Variants in CYTH3 observed in about 807,000 individuals in gnomAD.
The protein encoded by CYTH3 is cytohesin 3, also known as cytohesin-3.
Under a neutral mutation model 55.1 loss-of-function variants are expected in CYTH3, and 23 were observed. That is an observed-to-expected ratio of 0.42 (90% CI 0.30 to 0.59). The LOEUF is 0.59. Ranked by LOEUF, CYTH3 falls within the 20% of genes least tolerant of loss-of-function variation. The pLI is 0.20. For missense variants in CYTH3, 413 were observed against 524.8 expected (o/e 0.79, Z 2.08); for synonymous variants, 249 against 194.9 (o/e 1.28, Z -2.31).
At chr7:6,201,220 T>G in intron 1 of CYTH3, among the ~76,000 whole-genome samples, 1 of 152,132 alleles carries the variant, frequency 6.6e-6, no homozygotes, top group East Asian at 1.9e-4. Context: ...ATTCAAACTA[T>G]GACATCCAGG....
chr7:6,189,167 G>T (rs1003033735), intron 2 of CYTH3, among the ~76,000 whole-genome samples: 1 of 152,180 alleles, frequency 6.6e-6, no homozygotes, highest in Non-Finnish European at 1.5e-5. Flanking sequence ...AATCACTTCT[G>T]TAACAATCAC....
intron 1 of CYTH3, 64 bp downstream of exon 1, chr7:6,272,410 G>GGGGGGGGGGGGGGGGGCCCCC: frequency 8.2e-7 from 1 of 1,216,618 alleles, no homozygotes; most frequent in Non-Finnish European, 1.1e-6. Context: ...CCGCGCCCTC[G>GGGGGGGGGGGGGGGGGCCCCC]ACCCCCAGCC....
intron 1 of CYTH3, among the ~76,000 whole-genome samples, chr7:6,224,517 A>G (rs537149446): frequency 6.6e-6 from 1 of 152,246 alleles, no homozygotes; most frequent in Non-Finnish European, 1.5e-5. Flanking sequence ...ATGACCTAGC[A>G]TAAGAGCTAA....
chr7:6,245,595 G>A (rs1229551935), intron 1 of CYTH3, among the ~76,000 whole-genome samples: 1 of 152,208 alleles, frequency 6.6e-6, no homozygotes, highest in Non-Finnish European at 1.5e-5. Flanking sequence ...ACAAAGGTTT[G>A]TCCAGAATTA....
chr7:6,203,162 A>G (rs1240477597), intron 1 of CYTH3, among the ~76,000 whole-genome samples: 1 of 152,088 alleles, frequency 6.6e-6, no homozygotes, highest in African/African-American at 2.4e-5. Flanking sequence ...AAATTGACAG[A>G]TGTACATGTA....
intron 1 of CYTH3, among the ~76,000 whole-genome samples, chr7:6,224,917 G>A (rs533355662): frequency 1.3e-5 from 2 of 152,252 alleles, no homozygotes; most frequent in South Asian, 2.1e-4. Flanking sequence ...ACCTGAAAAC[G>A]TTATGTGAAG....
rs73675891 is a variant in CYTH3, at chr7:6,210,203, C to T, written c.35-19672G>A. On this transcript the variant is annotated intron_variant, in intron 1 of 12. Coordinates refer to ENST00000350796, the MANE Select transcript of CYTH3 (RefSeq NM_004227.4). ...AACAGAAAAACTATGTGCTGGGAGG[C>T]GGTGAGCAGATGGGAACTCTATACT... 6.9e-3 allele frequency among the ~76,000 whole-genome samples: 1,045 copies of T among 151,874 alleles called. 10 individuals carry two copies. Among genetic ancestry groups the T allele is most frequent in the African/African-American group, 0.024 (1,004 of 41,530 alleles).
chr7:6,246,232 A>C lies in CYTH3; in HGVS notation c.34+26242T>G, dbSNP rs191034127. Among the ~76,000 whole-genome samples the C allele has an allele frequency of 4.1e-3, 587 of 141,470 alleles. 4 individuals carry two copies. The highest frequency in any genetic ancestry group is 0.014 in the African/African-American group (530 of 38,702). The allele number at this position is 141,470 out of a possible 152,430, so 92.8% of individuals were successfully genotyped here. ...AGTAGCATGCCACAACACCTGGATA[A>C]TTTTTTTTTTTTTTTTAAAAGAGAC... On this transcript the variant is annotated intron_variant, in intron 1 of 12. Coordinates refer to ENST00000350796, the MANE Select transcript of CYTH3 (RefSeq NM_004227.4).
intron 1 of CYTH3, among the ~76,000 whole-genome samples, chr7:6,222,419 G>A (rs77600723): frequency 0.037 from 5,700 of 152,176 alleles, 153 homozygotes; most frequent in Non-Finnish European, 0.058. Flanking sequence ...AACATACAGA[G>A]AAGAATCCCA....
At chr7:6,228,957 C>A (rs1779317921) in intron 1 of CYTH3, among the ~76,000 whole-genome samples, 1 of 152,128 alleles carries the variant, frequency 6.6e-6, no homozygotes, top group African/African-American at 2.4e-5. Context: ...GCTGTCCGAG[C>A]CCCTTTATTC....
intron 1 of CYTH3, among the ~76,000 whole-genome samples, chr7:6,214,435 A>C (rs1784385284): frequency 6.6e-6 from 1 of 152,218 alleles, no homozygotes; most frequent in Non-Finnish European, 1.5e-5. Context: ...GAATGCTTTA[A>C]AAATTACTAC....
In CYTH3 at chr7:6,163,296, G is replaced by GT. The variant is rs1782893226; in HGVS notation, c.*1647dup. The GT allele has an allele frequency of 6.6e-6, 1 of 152,302 alleles. No individual in the cohort carries two copies. Among genetic ancestry groups the GT allele is most frequent in the Admixed American group, 6.5e-5 (1 of 15,290 alleles). The allele number at this position is 152,302 out of a possible 1,614,324, so 9.4% of individuals were successfully genotyped here. On this transcript the variant is annotated 3_prime_UTR_variant, in exon 13 of 13. Coordinates refer to ENST00000350796, the MANE Select transcript of CYTH3 (RefSeq NM_004227.4). ...GAAACCTAGGTGCACAAAGTCTGAG[G>GT]TTTTGTCTCTGGACTGGGCATTTTG...
At chr7:6,206,469 G>C (rs189964899) in intron 1 of CYTH3, among the ~76,000 whole-genome samples, 3 of 152,332 alleles carry the variant, frequency 2.0e-5, no homozygotes, top group East Asian at 3.9e-4. Flanking sequence ...AGAAAGTACT[G>C]CCTGAAGAAG....
intron 1 of CYTH3, among the ~76,000 whole-genome samples, chr7:6,264,992 T>C (rs1269693271): frequency 6.6e-6 from 1 of 152,172 alleles, no homozygotes; most frequent in East Asian, 1.9e-4. Flanking sequence ...AGGAAACATT[T>C]GAGCACAAAC....
At chr7:6,261,962 A>T (rs973645463) in intron 1 of CYTH3, among the ~76,000 whole-genome samples, 1 of 152,194 alleles carries the variant, frequency 6.6e-6, no homozygotes. Flanking sequence ...ACTCTGATTC[A>T]TACAATAAAG....
chr7:6,191,276 T>G (rs746774118), intron 1 of CYTH3, among the ~76,000 whole-genome samples: 3 of 151,814 alleles, frequency 2.0e-5, no homozygotes, highest in Non-Finnish European at 4.4e-5. Context: ...GGTGAGATCC[T>G]TTCTCTACAA....
intron 1 of CYTH3, among the ~76,000 whole-genome samples, chr7:6,264,995 GCA>G (rs1452201123): frequency 1.3e-5 from 2 of 152,292 alleles, no homozygotes; most frequent in Non-Finnish European, 2.9e-5. Flanking sequence ...AAACATTTGA[GCA>G]CAAACTTGAA....
chr7:6,256,486 T>C (rs1780127249), intron 1 of CYTH3, among the ~76,000 whole-genome samples: 1 of 152,162 alleles, frequency 6.6e-6, no homozygotes, highest in Non-Finnish European at 1.5e-5. Context: ...AAGTAGATGG[T>C]CTTCATTACC....
chr7:6,190,690 C>A (rs992465013), intron 1 of CYTH3, among the ~76,000 whole-genome samples, 159 bp from the exon 2 acceptor site: 7 of 152,036 alleles, frequency 4.6e-5, no homozygotes, highest in Non-Finnish European at 1.0e-4. Flanking sequence ...CTCATAGGAG[C>A]GCTCTTTATA....
Sources: allele counts gnomAD v4.1 joint callset (sites outside exome capture counted in the v4.1 genomes callset), GRCh38; gene constraint gnomAD v4.1.1; transcripts MANE v1.5; gene names NCBI Gene and HGNC (gene_info 2026-07-23, HGNC 2026-07-21).